CHRNB3: variants seen among roughly 807,000 people sequenced by gnomAD.
CHRNB3 encodes neuronal acetylcholine receptor subunit beta-3.
A neutral mutation model predicts 40.6 loss-of-function variants in CHRNB3; 37 were observed. The observed-to-expected ratio is 0.91, with a 90% CI of 0.70 to 1.20. The LOEUF is 1.20. Ranked by LOEUF, CHRNB3 falls within the 50% of genes most tolerant of loss-of-function variation. The probability of loss-of-function intolerance (pLI) is 0.00; values close to 1 mark genes in which losing one functional copy is unlikely to be tolerated. For synonymous variants in CHRNB3, 207 were observed against 207.1 expected (o/e 1.00, Z 0.00); for missense variants, 505 against 551.2 (o/e 0.92, Z 0.84).
chr8:42,708,859 T>G lies in CHRNB3; in HGVS notation c.195T>G (p.Leu65=), dbSNP rs1296385915. Residue 65 remains leucine (L), a synonymous_variant, in exon 2 of 6, where the codon CTT becomes CTG. Coordinates refer to ENST00000289957, the MANE Select transcript of CHRNB3 (RefSeq NM_000749.5). ...ATTTTGGATTGAAAATATCCCAGCTTGTAGATGTGGTGAGTAATCCTTGGC... is the reference window on the plus strand; with the variant it reads ...ATTTTGGATTGAAAATATCCCAGCTGGTAGATGTGGTGAGTAATCCTTGGC... ...KVYFGLKISQ[L]VDVDEKNQLM... 9 of 1,612,736 alleles carry G rather than the reference T, an allele frequency of 5.6e-6. No homozygotes were observed. The East Asian group carries it at 1.8e-4, about 32-fold the overall frequency.
At chr8:42,705,749 A>ACCTCCT (rs1815910956) in intron 1 of CHRNB3, 4 of 152,460 alleles carry the variant, frequency 2.6e-5, no homozygotes, top group Admixed American at 2.0e-4. Context: ...TGACCTGGGG[A>ACCTCCT]TAGATGGAGG....
intron 3 of CHRNB3, among the ~76,000 whole-genome samples, chr8:42,722,795 T>A (rs1172796882): frequency 1.3e-5 from 2 of 152,102 alleles, no homozygotes; most frequent in African/African-American, 4.8e-5. Context: ...CTCAAACTCT[T>A]GGGCTGAAGC....
chr8:42,703,440 T>TAAAAAA lies in CHRNB3; in HGVS notation c.53-5277_53-5276insAAAAAA, dbSNP rs1554589400. ...CTTCGTCTAAAAAAAAAAAAAATAT[T>TAAAAAA]TATATATATATATATATATATGTAT... On this transcript the variant is annotated intron_variant, in intron 1 of 5. Transcript: ENST00000289957. Among the ~76,000 whole-genome samples the TAAAAAA allele has an allele frequency of 5.6e-4, 45 of 80,712 alleles. 7 individuals carry two copies. Among genetic ancestry groups the TAAAAAA allele is most frequent in the Non-Finnish European group, 1.1e-3 (38 of 34,102 alleles). The allele number at this position is 80,712 out of a possible 152,430, so 53.0% of individuals were successfully genotyped here.
At chr8:42,707,862 T>C (rs78698052) in intron 1 of CHRNB3, among the ~76,000 whole-genome samples, 1,688 of 152,306 alleles carry the variant, frequency 0.011, 34 homozygotes, top group African/African-American at 0.039. Context: ...ACACATAAAA[T>C]GAACACCCAC....
At chr8:42,712,903 C>G (rs905172481) in intron 3 of CHRNB3, among the ~76,000 whole-genome samples, 2 of 149,460 alleles carry the variant, frequency 1.3e-5, no homozygotes, top group Non-Finnish European at 3.0e-5. Flanking sequence ...ACTCTGTCGC[C>G]CAGGCTAGAG....
intron 3 of CHRNB3, among the ~76,000 whole-genome samples, chr8:42,728,812 C>A (rs112698102): frequency 2.0e-5 from 3 of 151,984 alleles, no homozygotes; most frequent in Admixed American, 6.6e-5. Flanking sequence ...TAACTGTAAA[C>A]CAAAGAGTGA....
chr8:42,715,565 CA>C (rs1374428049), intron 3 of CHRNB3, among the ~76,000 whole-genome samples: 13 of 152,128 alleles, frequency 8.5e-5, no homozygotes, highest in African/African-American at 3.1e-4. Context: ...GGAACAAAAG[CA>C]TGTTCCATGG....
chr8:42,710,543 G>C (rs1815997797), intron 3 of CHRNB3, 109 bp downstream of exon 3: 2 of 886,350 alleles, frequency 2.3e-6, no homozygotes, highest in Admixed American at 5.1e-5. Context: ...GTGTTCCTCA[G>C]GGAGATTTGT....
intron 3 of CHRNB3, among the ~76,000 whole-genome samples, chr8:42,714,363 G>A (rs769467348): frequency 2.0e-5 from 3 of 151,942 alleles, no homozygotes; most frequent in Non-Finnish European, 1.5e-5. Flanking sequence ...TTAGCCAGGC[G>A]TGGTGGTGGG....
intron 1 of CHRNB3, among the ~76,000 whole-genome samples, chr8:42,700,169 A>T (rs144775828): frequency 6.6e-6 from 1 of 151,928 alleles, no homozygotes; most frequent in African/African-American, 2.4e-5. Flanking sequence ...GCCCACCACC[A>T]CGCCCAGCTA....
At chr8:42,729,572 T>G (rs1816367860) in intron 3 of CHRNB3, among the ~76,000 whole-genome samples, 1 of 152,076 alleles carries the variant, frequency 6.6e-6, no homozygotes, top group Non-Finnish European at 1.5e-5. Flanking sequence ...TTCCATCATT[T>G]GTCAGGCATC....
intron 1 of CHRNB3, among the ~76,000 whole-genome samples, chr8:42,702,516 C>T (rs1383392868): frequency 6.6e-6 from 1 of 152,114 alleles, no homozygotes; most frequent in African/African-American, 2.4e-5. Flanking sequence ...GCCTGTAAAC[C>T]CAGCACTTTG....
Position 42,732,538 on chromosome 8 carries a change from T to C in CHRNB3, c.1231T>C (p.Phe411Leu), listed in dbSNP as rs1220656376. 2 of 1,592,598 alleles carry C rather than the reference T, an allele frequency of 1.3e-6. No individual in the cohort carries two copies. Among genetic ancestry groups the C allele is most frequent in the Non-Finnish European group, 1.7e-6 (2 of 1,171,808 alleles). ...YISRHVKKEH[F>L]ISQVVQDWKF... ...TTCGAGACATGTGAAGAAAGAACAT[T>C]TTATCAGCCAGGTGAGTAAACTGGT... The change falls in exon 5 of 6, where the codon TTT becomes CTT. Residue 411 changes from phenylalanine to leucine, a missense_variant. Coordinates refer to ENST00000289957, the MANE Select transcript of CHRNB3 (RefSeq NM_000749.5).
intron 3 of CHRNB3, among the ~76,000 whole-genome samples, chr8:42,720,622 C>T (rs1440469392): frequency 6.6e-6 from 1 of 152,122 alleles, no homozygotes; most frequent in Non-Finnish European, 1.5e-5. Flanking sequence ...AGTGCTAGTA[C>T]ATGCCTTGCA....
At chr8:42,732,943 G>T (rs1233331414) in intron 5 of CHRNB3, among the ~76,000 whole-genome samples, 3 of 152,086 alleles carry the variant, frequency 2.0e-5, no homozygotes, top group Non-Finnish European at 4.4e-5. Context: ...AGATCAGAAA[G>T]AATGAGATTT....
chr8:42,718,655 A>G (rs1453674675), intron 3 of CHRNB3, among the ~76,000 whole-genome samples: 1 of 132,952 alleles, frequency 7.5e-6, no homozygotes, highest in Non-Finnish European at 1.6e-5. Flanking sequence ...CCTGGGTGAC[A>G]GAGCAAGACT....
chr8:42,730,806 T>C (rs943053215), intron 4 of CHRNB3, 103 bp downstream of exon 4: 25 of 580,152 alleles, frequency 4.3e-5, no homozygotes, highest in Non-Finnish European at 6.9e-5. Flanking sequence ...CCCAGCACTT[T>C]GGGAGGCCGA....
chr8:42,729,688 G>A (rs1424261001), intron 3 of CHRNB3, among the ~76,000 whole-genome samples: 1 of 152,004 alleles, frequency 6.6e-6, no homozygotes, highest in Non-Finnish European at 1.5e-5. Context: ...CGTCATGCTG[G>A]GCATGCCCTT....
At chr8:42,703,435 A>AAAAAAAAAAAAATATATAT in intron 1 of CHRNB3, among the ~76,000 whole-genome samples, 3 of 47,410 alleles carry the variant, frequency 6.3e-5, no homozygotes, top group Admixed American at 2.3e-4. Flanking sequence ...AAAAAAAAAA[A>AAAAAAAAAAAAATATATAT]ATATTTATAT....
Sources: allele counts gnomAD v4.1 joint callset (sites outside exome capture counted in the v4.1 genomes callset), GRCh38; gene constraint gnomAD v4.1.1; transcripts MANE v1.5; gene names NCBI Gene and HGNC (gene_info 2026-07-23, HGNC 2026-07-21).